The following KRT8 variants were observed in gnomAD, a reference collection of about 807,000 sequenced individuals.
The protein encoded by KRT8 is keratin 8, also known as keratin, type II cytoskeletal 8.
Under a neutral mutation model 43.0 loss-of-function variants are expected in KRT8, and 24 were observed. The ratio of observed to expected loss-of-function variants is 0.56; its 90% CI spans 0.40 to 0.78. KRT8 has a LOEUF of 0.78. Ranked by LOEUF, KRT8 falls within the 30% of genes least tolerant of loss-of-function variation. The pLI is 0.00. For missense variants in KRT8, 492 were observed against 638.4 expected (o/e 0.77, Z 2.47); for synonymous variants, 214 against 261.2 (o/e 0.82, Z 1.74).
At chr12:52,910,267 C>T (rs1481669569), upstream of KRT8, among the ~76,000 whole-genome samples, 1 of 152,158 alleles carries the variant, frequency 6.6e-6, no homozygotes, top group African/African-American at 2.4e-5. Context: ...GTGCTCAGGT[C>T]GCACCCCGTC....
rs917982275 is a variant in KRT8, at chr12:52,935,552, A to G, written c.-47+13904T>C. On this transcript the variant is annotated intron_variant, in intron 2 of 6. Coordinates refer to the KRT8 transcript ENST00000546826. ...CTTAAAAAAAAAAAAAAAGGAAAAG[A>G]AAAAGAAAAAGGAAAACCGTTCGTG... 2.0e-5 allele frequency among the ~76,000 whole-genome samples: 3 copies of G among 150,834 alleles called. No homozygotes were observed. The South Asian group carries it at 6.3e-4, about 32-fold the overall frequency.
intron 2 of KRT8, among the ~76,000 whole-genome samples, chr12:52,939,214 G>A (rs1942227762): frequency 6.6e-6 from 1 of 152,156 alleles, no homozygotes; most frequent in South Asian, 2.1e-4. Context: ...TTTCTTAGAA[G>A]AATAAACTTG....
At chr12:52,928,410 T>C (rs1942030382) in intron 2 of KRT8, among the ~76,000 whole-genome samples, 1 of 152,112 alleles carries the variant, frequency 6.6e-6, no homozygotes, top group African/African-American at 2.4e-5. Flanking sequence ...TTACCTCCCC[T>C]TGGAGGTGGA....
intron 2 of KRT8, among the ~76,000 whole-genome samples, chr12:52,943,227 A>G (rs919658601): frequency 3.9e-5 from 6 of 152,160 alleles, no homozygotes; most frequent in African/African-American, 9.7e-5. Flanking sequence ...GCTTGAAAGA[A>G]AAGTCTACAT....
chr12:52,904,902 C>T (rs1351844057), exon 1 of KRT8: 4 of 1,612,864 alleles, frequency 2.5e-6, no homozygotes, highest in Non-Finnish European at 3.4e-6. Flanking sequence ...ACCGGGCCCA[C>T]TCGTGTAGGA....
intron 2 of KRT8, chr12:52,949,022 C>G (rs1417446894): frequency 5.8e-6 from 4 of 694,490 alleles, no homozygotes; most frequent in African/African-American, 5.7e-5. Context: ...GCGCGGGCTC[C>G]GAGCCGTCCA....
intron 2 of KRT8, among the ~76,000 whole-genome samples, chr12:52,935,773 G>T (rs1017890010): frequency 2.0e-5 from 3 of 151,482 alleles, no homozygotes; most frequent in African/African-American, 7.3e-5. Context: ...CCTCCCAACA[G>T]CTGGAATTAA....
exon 7 of KRT8, chr12:52,898,466 T>C (rs761963433): frequency 1.2e-6 from 2 of 1,613,586 alleles, no homozygotes; most frequent in Non-Finnish European, 8.5e-7. Context: ...CCCACCTGCA[T>C]AGCCGCTGGT....
intron 2 of KRT8, chr12:52,926,387 T>C: frequency 6.6e-7 from 1 of 1,523,222 alleles, no homozygotes; most frequent in Non-Finnish European, 8.8e-7. Flanking sequence ...CACCTCCTTG[T>C]CACCTGCACC....
chr12:52,914,935 G>T (rs1374662646), intron 2 of KRT8, among the ~76,000 whole-genome samples: 1 of 152,130 alleles, frequency 6.6e-6, no homozygotes, highest in Non-Finnish European at 1.5e-5. Flanking sequence ...ACTCTCCAAG[G>T]CTGATATAGG....
chr12:52,924,038 G>T (rs1044369261), intron 2 of KRT8, among the ~76,000 whole-genome samples: 44 of 151,912 alleles, frequency 2.9e-4, no homozygotes, highest in African/African-American at 1.0e-3. Context: ...GTAGAGACGG[G>T]GTTTTACCAT....
chr12:52,918,240 A>AGAAGAAGAAGAAGAAGAG (rs1941814551), intron 2 of KRT8, among the ~76,000 whole-genome samples: 1 of 151,828 alleles, frequency 6.6e-6, no homozygotes, highest in African/African-American at 2.4e-5. Flanking sequence ...AAGAAGAAGA[A>AGAAGAAGAAGAAGAAGAG]GAAGAAGAAG....
At position 52,898,866 on chromosome 12, in the gene KRT8, C is replaced by T. The variant is rs150525568; in HGVS notation, c.1015G>A (p.Glu339Lys). ...TTAATGGCCAGCTCTCCACGCTGCT[C>T]GGCATCTGCAATGGCGGCCTCCAGG... is the stretch of plus-strand genomic sequence containing the variant. The change falls in exon 6 of 8, where the codon GAG becomes AAG. Residue 339 changes from glutamate (E) to lysine (K), a missense_variant. By Grantham distance (56) the Glu-to-Lys change is moderately conservative (BLOSUM62 1). This residue lies in a region of KRT8 where 389 missense variants were observed against 485.7 expected (regional missense o/e 0.80). Coordinates refer to ENST00000692008, the Ensembl canonical transcript of KRT8. The T allele has an allele frequency of 1.4e-5, 23 of 1,613,224 alleles. No homozygotes were observed. In the African/African-American group the frequency reaches 1.6e-4, roughly 11 times the overall value.
intron 2 of KRT8, among the ~76,000 whole-genome samples, chr12:52,944,102 T>A (rs1160103925): frequency 6.6e-6 from 1 of 152,114 alleles, no homozygotes; most frequent in East Asian, 1.9e-4. Context: ...GCTTCTCAGC[T>A]GCCAAAGCTC....
At chr12:52,911,251 C>T (rs1941631294), upstream of KRT8, among the ~76,000 whole-genome samples, 1 of 152,056 alleles carries the variant, frequency 6.6e-6, no homozygotes, top group Non-Finnish European at 1.5e-5. Context: ...ACTTGGGAGA[C>T]TGAGGCAGAA....
At chr12:52,946,622 T>G (rs570365783) in intron 2 of KRT8, 15 of 152,302 alleles carry the variant, frequency 9.8e-5, no homozygotes, top group Non-Finnish European at 1.9e-4. Flanking sequence ...GCTTGTTGAC[T>G]CCACATACTT....
upstream of KRT8, among the ~76,000 whole-genome samples, chr12:52,911,291 G>C (rs1941632131): frequency 6.6e-6 from 1 of 152,138 alleles, no homozygotes; most frequent in Admixed American, 6.6e-5. Context: ...GGCGGAGGTT[G>C]CAGTGAGCTG....
At chr12:52,933,623 T>A (rs1236882487) in intron 2 of KRT8, among the ~76,000 whole-genome samples, 1 of 152,110 alleles carries the variant, frequency 6.6e-6, no homozygotes, top group East Asian at 1.9e-4. Flanking sequence ...TTTTTTATTT[T>A]TTATTTTTTT....
intron 2 of KRT8, among the ~76,000 whole-genome samples, chr12:52,925,334 C>A (rs1684252754): frequency 6.6e-6 from 1 of 152,122 alleles, no homozygotes; most frequent in Non-Finnish European, 1.5e-5. Flanking sequence ...CTCTGGCTCC[C>A]AGGGGCTCAG....
Sources: gnomAD v4.1 joint callset for allele counts (sites outside exome capture counted in the v4.1 genomes callset) on GRCh38, gnomAD v4.1.1 for gene constraint, gnomAD v4.1.1 regional missense constraint, MANE v1.5 for transcripts, NCBI Gene and HGNC (gene_info 2026-07-23, HGNC 2026-07-21) for gene names.